CHODL: variants seen among roughly 807,000 people sequenced by gnomAD.
The protein encoded by CHODL is transmembrane protein MT75.
CHODL carries 29 observed loss-of-function variants against 34.5 expected under a neutral mutation model. The observed-to-expected ratio is 0.84, with a 90% CI of 0.63 to 1.15. The LOEUF is 1.15. Among genes scored for constraint, CHODL ranks in the 50% most tolerant of loss-of-function variants. The probability of loss-of-function intolerance (pLI) is 0.00; values close to 1 mark genes in which losing one functional copy is unlikely to be tolerated. For synonymous variants in CHODL, 125 were observed against 116.1 expected (o/e 1.08, Z -0.49); for missense variants, 332 against 332.5 (o/e 1.00, Z 0.01).
At position 17,986,225 on chromosome 21, in the gene CHODL, TTACATAGGTA is replaced by T. The variant is rs1181605013; in HGVS notation, c.-144-41642_-144-41633del. Among the ~76,000 whole-genome samples the T allele has an allele frequency of 6.6e-5, 10 of 152,184 alleles. No homozygotes were observed. In the East Asian group the frequency reaches 1.9e-3, roughly 29 times the overall value. On this transcript the variant is annotated intron_variant, in intron 1 of 6. Coordinates refer to the CHODL transcript ENST00000400127. Reference sequence around the variant, plus strand: ...TACATGTGCAGAAACTGCAGTTTTGTTACATAGGTATACACATGCCATGGTGGTTTGCTGC... The same window carrying T: ...TACATGTGCAGAAACTGCAGTTTTGTTACACATGCCATGGTGGTTTGCTGC...
At chr21:18,046,547 T>C (rs928003534) in intron 2 of CHODL, among the ~76,000 whole-genome samples, 2 of 151,926 alleles carry the variant, frequency 1.3e-5, no homozygotes, top group Non-Finnish European at 1.5e-5. Flanking sequence ...TAGGTAATGG[T>C]AATGTCATTT....
chr21:18,101,746 G>A (rs1296299986), intron 2 of CHODL, among the ~76,000 whole-genome samples: 3 of 148,184 alleles, frequency 2.0e-5, no homozygotes, highest in Non-Finnish European at 4.5e-5. Flanking sequence ...GTCTGTACTT[G>A]TGAGTGTATA....
intron 2 of CHODL, among the ~76,000 whole-genome samples, chr21:18,081,026 T>C (rs574442734): frequency 6.6e-6 from 1 of 152,332 alleles, no homozygotes; most frequent in Non-Finnish European, 1.5e-5. Flanking sequence ...TAGTGTTTTA[T>C]AGTTCTCCTT....
intron 2 of CHODL, among the ~76,000 whole-genome samples, chr21:18,078,226 T>C (rs1413932069): frequency 6.6e-6 from 1 of 152,138 alleles, no homozygotes; most frequent in African/African-American, 2.4e-5. Context: ...CAGTTCCACA[T>C]GGCTGGGGAG....
chr21:18,060,046 C>T (rs901699395), intron 2 of CHODL, among the ~76,000 whole-genome samples: 4 of 152,160 alleles, frequency 2.6e-5, no homozygotes, highest in Admixed American at 1.3e-4. Context: ...ATTTCAAACA[C>T]TTTCTTCCAA....
At chr21:18,123,212 G>T (rs2065501801) in intron 2 of CHODL, among the ~76,000 whole-genome samples, 1 of 152,148 alleles carries the variant, frequency 6.6e-6, no homozygotes, top group South Asian at 2.1e-4. Flanking sequence ...TGGATGCTGT[G>T]GTATAAGACC....
chr21:18,127,673 T>TTG (rs1491167744), intron 2 of CHODL, among the ~76,000 whole-genome samples: 2 of 37,408 alleles, frequency 5.3e-5, no homozygotes, highest in East Asian at 3.6e-3. Context: ...GTTGCCATTG[T>TTG]TTTTTTTTTT....
chr21:18,211,938 G>A (rs978430325), intron 2 of CHODL, among the ~76,000 whole-genome samples: 4 of 152,030 alleles, frequency 2.6e-5, no homozygotes, highest in Admixed American at 2.0e-4. Context: ...ATTAAGAGTG[G>A]TAGTGAAATT....
chr21:17,993,994 T>C (rs2063823829), intron 1 of CHODL, among the ~76,000 whole-genome samples: 1 of 152,226 alleles, frequency 6.6e-6, no homozygotes, highest in Non-Finnish European at 1.5e-5. Flanking sequence ...TTGAGTCTTC[T>C]TTCTTTTTTT....
At chr21:17,934,057 AGAAAT>A (rs2063299295) in intron 1 of CHODL, among the ~76,000 whole-genome samples, 1 of 151,666 alleles carries the variant, frequency 6.6e-6, no homozygotes, top group African/African-American at 2.4e-5. Flanking sequence ...AAAAAAAAAA[AGAAAT>A]AGTAGTCACT....
intron 1 of CHODL, among the ~76,000 whole-genome samples, chr21:18,251,693 AT>A (rs1275671088): frequency 4.6e-5 from 5 of 108,102 alleles, no homozygotes; most frequent in South Asian, 2.7e-4. Context: ...TAAAATAAAT[AT>A]TTTATTTATT....
At chr21:18,128,261 A>AC (rs1174191587) in intron 2 of CHODL, among the ~76,000 whole-genome samples, 1 of 125,746 alleles carries the variant, frequency 8.0e-6, no homozygotes, top group Non-Finnish European at 1.6e-5. Context: ...AGATCGCGCC[A>AC]CTGCACTCCA....
At chr21:18,181,669 C>G (rs183542777) in intron 2 of CHODL, among the ~76,000 whole-genome samples, 1 of 152,188 alleles carries the variant, frequency 6.6e-6, no homozygotes, top group Non-Finnish European at 1.5e-5. Flanking sequence ...GGATTACAGG[C>G]GTGAGCCACC....
In CHODL at chr21:18,214,402, G is replaced by GGA. The variant is rs1482820654; in HGVS notation, c.-44-42107_-44-42106insGA. Among the ~76,000 whole-genome samples, 3 of 152,064 alleles carry GGA rather than the reference G, an allele frequency of 2.0e-5. No individual in the cohort carries two copies. The East Asian group carries it at 5.8e-4, about 29-fold the overall frequency. On this transcript the variant is annotated intron_variant, in intron 2 of 6. Coordinates refer to the CHODL transcript ENST00000400127. Reference sequence around the variant, plus strand: ...CATGCTTAGAATGGATAAGACTAGTGTTTTAATTATCTTTCAATCGCTCTA... The same window carrying GGA: ...CATGCTTAGAATGGATAAGACTAGTGGATTTTAATTATCTTTCAATCGCTCTA...
At chr21:18,061,736 G>A (rs1198807920) in intron 2 of CHODL, among the ~76,000 whole-genome samples, 1 of 152,204 alleles carries the variant, frequency 6.6e-6, no homozygotes, top group African/African-American at 2.4e-5. Context: ...TGATGAAGAT[G>A]AATGCAAAAG....
chr21:18,054,896 G>C (rs991890872), intron 2 of CHODL, among the ~76,000 whole-genome samples: 1 of 152,040 alleles, frequency 6.6e-6, no homozygotes, highest in African/African-American at 2.4e-5. Flanking sequence ...ATTTCTTAAC[G>C]AATTAGGCAA....
At chr21:18,038,993 C>T (rs2064343341) in intron 2 of CHODL, among the ~76,000 whole-genome samples, 1 of 151,562 alleles carries the variant, frequency 6.6e-6, no homozygotes, top group South Asian at 2.1e-4. Context: ...AAGATAAAGA[C>T]TTACCTAGAT....
intron 2 of CHODL, among the ~76,000 whole-genome samples, chr21:18,098,875 A>G (rs1382874345): frequency 6.6e-6 from 1 of 152,116 alleles, no homozygotes; most frequent in Non-Finnish European, 1.5e-5. Flanking sequence ...ACATACACCC[A>G]ATGGAGTCCT....
intron 2 of CHODL, among the ~76,000 whole-genome samples, chr21:18,144,576 G>T (rs2072844029): frequency 6.6e-6 from 1 of 152,130 alleles, no homozygotes; most frequent in South Asian, 2.1e-4. Context: ...AGACCACGGG[G>T]ATCCCACTTA....
Sources: gnomAD v4.1 joint callset for allele counts (sites outside exome capture counted in the v4.1 genomes callset) on GRCh38, gnomAD v4.1.1 for gene constraint, MANE v1.5 for transcripts, NCBI Gene and HGNC (gene_info 2026-07-23, HGNC 2026-07-21) for gene names.